Variants in ITGA1 observed in about 807,000 individuals in gnomAD.
The protein encoded by ITGA1 is integrin alpha-1.
ITGA1 carries 85 observed loss-of-function variants against 145.9 expected under a neutral mutation model. The ratio of observed to expected loss-of-function variants is 0.58; its 90% confidence interval spans 0.49 to 0.70. The LOEUF (loss-of-function observed/expected upper bound fraction) is 0.70, where lower values mean the gene tolerates loss of function less well. ITGA1 is among the 30% of genes least tolerant of loss of function. The probability of loss-of-function intolerance (pLI) is 0.00; values close to 1 mark genes in which losing one functional copy is unlikely to be tolerated. For synonymous variants in ITGA1, 520 were observed against 495.3 expected (o/e 1.05, Z -0.66); for missense variants, 1,351 against 1,418.7 (o/e 0.95, Z 0.77).
chr5:52,940,218 C>G (rs1317291944), intron 26 of ITGA1, among the ~76,000 whole-genome samples: 1 of 152,068 alleles, frequency 6.6e-6, no homozygotes, highest in East Asian at 1.9e-4. Context: ...GAGATAAATA[C>G]CTTTCCAGTA....
chr5:52,901,937 A>G (rs1750320892), intron 11 of ITGA1: 1 of 152,238 alleles, frequency 6.6e-6, no homozygotes, highest in Non-Finnish European at 1.5e-5. Context: ...AGTCTAATAC[A>G]TGTAAGATTT....
At chr5:52,801,139 G>T in intron 1 of ITGA1, 1 of 1,574,322 alleles carries the variant, frequency 6.4e-7, no homozygotes, top group South Asian at 1.2e-5. Flanking sequence ...ATCTTACCCA[G>T]GGATAATTAA....
intron 9 of ITGA1, among the ~76,000 whole-genome samples, chr5:52,896,776 T>C (rs1750233791): frequency 6.6e-6 from 1 of 152,166 alleles, no homozygotes; most frequent in Non-Finnish European, 1.5e-5. Flanking sequence ...GAATTATCTC[T>C]GCATTTCAGT....
chr5:52,893,304 C>T, intron 8 of ITGA1, among the ~76,000 whole-genome samples: 1 of 152,126 alleles, frequency 6.6e-6, no homozygotes, highest in East Asian at 1.9e-4. Flanking sequence ...CCTTTGCCAG[C>T]AGATAATGAC....
At chr5:52,823,548 T>C (rs1392695136) in intron 1 of ITGA1, among the ~76,000 whole-genome samples, 1 of 152,224 alleles carries the variant, frequency 6.6e-6, no homozygotes, top group Non-Finnish European at 1.5e-5. Context: ...TAAGTCCATC[T>C]TATTCTCTTG....
At position 52,788,336 on chromosome 5, in the gene ITGA1, G is replaced by C; in HGVS notation, c.-18G>C. ...CTGCGAACCAGCGCGGCCCCCTGGC[G>C]CTGAGGCTGCTCCGGCCATGGCCCC... is the stretch of plus-strand genomic sequence containing the variant. On this transcript the variant is annotated 5_prime_UTR_variant, in exon 1 of 29. Transcript: ENST00000282588. 2.0e-6 allele frequency: 3 copies of C among 1,497,376 alleles called. No homozygotes were observed. The highest frequency in any genetic ancestry group is 2.7e-6 in the Non-Finnish European group (3 of 1,129,048). The allele number at this position is 1,497,376 out of a possible 1,614,324, so 92.8% of individuals were successfully genotyped here. A position where few individuals can be genotyped will look rare whatever the true frequency, so the allele number is the denominator to read the frequency against.
chr5:52,826,909 A>C (rs1587398), intron 1 of ITGA1, among the ~76,000 whole-genome samples: 1 of 152,098 alleles, frequency 6.6e-6, no homozygotes, highest in Non-Finnish European at 1.5e-5. Flanking sequence ...ATGACTTCTG[A>C]TACAAGATTC....
chr5:52,822,157 G>A lies in ITGA1; in HGVS notation c.62-27208G>A, dbSNP rs758685815. Among the ~76,000 whole-genome samples the A allele has an allele frequency of 3.9e-5, 6 of 152,224 alleles. No homozygotes were observed. The South Asian group carries it at 6.2e-4, about 16-fold the overall frequency. ...CTAGAGTGCTTTAGAGTTTCCAAAT[G>A]GTGTTCATATGTGGAATTTTATGTC... On this transcript the variant is annotated intron_variant, in intron 1 of 28. Coordinates refer to ENST00000282588, the MANE Select transcript of ITGA1 (RefSeq NM_181501.2).
chr5:52,895,340 G>A (rs1200842232), intron 9 of ITGA1, among the ~76,000 whole-genome samples: 2 of 152,086 alleles, frequency 1.3e-5, no homozygotes, highest in South Asian at 2.1e-4. Flanking sequence ...TGTGCTCTGT[G>A]TACAAGTCAT....
intron 19 of ITGA1, among the ~76,000 whole-genome samples, chr5:52,925,974 T>C (rs1302854721): frequency 1.3e-5 from 2 of 152,176 alleles, no homozygotes; most frequent in African/African-American, 4.8e-5. Flanking sequence ...TTTATTACAT[T>C]GGCAATAAAA....
intron 24 of ITGA1, 141 bp from the exon 25 acceptor site, chr5:52,939,449 C>G: frequency 1.6e-6 from 1 of 622,506 alleles, no homozygotes; most frequent in Admixed American, 2.9e-5. Context: ...AACAACCTTT[C>G]CCATACAGCA....
intron 26 of ITGA1, among the ~76,000 whole-genome samples, chr5:52,940,533 C>T (rs974399214): frequency 1.3e-5 from 2 of 151,744 alleles, no homozygotes; most frequent in African/African-American, 4.8e-5. Context: ...CTCAGCCTCC[C>T]GAGTAGCTGG....
chr5:52,875,704 A>G (rs888355006), intron 6 of ITGA1, among the ~76,000 whole-genome samples: 1 of 152,150 alleles, frequency 6.6e-6, no homozygotes, highest in Non-Finnish European at 1.5e-5. Context: ...GAATGTCCAC[A>G]TTTAACCCGG....
chr5:52,847,736 G>A (rs992833744), intron 1 of ITGA1, among the ~76,000 whole-genome samples: 1 of 151,792 alleles, frequency 6.6e-6, no homozygotes, highest in African/African-American at 2.4e-5. Context: ...TATATTTTTA[G>A]TAGAGATGGG....
rs1388903248 is a variant in ITGA1 at position 52,893,665 on chromosome 5, T to G, written c.925-10T>G. The G allele has an allele frequency of 1.2e-6, 2 of 1,603,682 alleles. No homozygotes were observed. The highest frequency in any genetic ancestry group is 2.2e-5 in the South Asian group (2 of 89,202). On this transcript the variant is annotated splice_polypyrimidine_tract_variant and intron_variant, in intron 8 of 28. Transcript: ENST00000282588. ...TAAAATATATTCTTGCTGTTTCTGT[T>G]GTGTCTTAGATTCTTGGCAGCTATA... is the stretch of plus-strand genomic sequence containing the variant.
chr5:52,865,044 C>T lies in ITGA1; in HGVS notation c.458C>T (p.Pro153Leu), dbSNP rs765527400. 2.5e-6 allele frequency: 4 copies of T among 1,613,782 alleles called. No homozygotes were observed. The highest frequency in any genetic ancestry group is 3.4e-6 in the Non-Finnish European group (4 of 1,179,794). Residue 153 changes from proline to leucine, a missense_variant, in exon 5 of 29, where the codon CCC becomes CTC. By Grantham distance (98) the Pro-to-Leu change is moderately conservative. Transcript: ENST00000282588. ...YTTGICSDVSPTFQVVNSIAP... is the reference protein window; with the variant it reads ...YTTGICSDVSLTFQVVNSIAP... ...ACTGGAATCTGTTCTGACGTCAGCC[C>T]CACATTTCAAGTCGTGAATTCCATT...
At chr5:52,846,837 T>A (rs1035899233) in intron 1 of ITGA1, among the ~76,000 whole-genome samples, 13 of 152,046 alleles carry the variant, frequency 8.6e-5, no homozygotes, top group Middle Eastern at 3.2e-3. Flanking sequence ...CCAAATCTCA[T>A]CTCTTTCTCC....
At chr5:52,811,350 C>A (rs1748681187) in intron 1 of ITGA1, among the ~76,000 whole-genome samples, 1 of 152,218 alleles carries the variant, frequency 6.6e-6, no homozygotes, top group Admixed American at 6.5e-5. Flanking sequence ...ACTTCATAAT[C>A]TCTCTTGCAG....
intron 13 of ITGA1, among the ~76,000 whole-genome samples, chr5:52,909,416 G>A (rs1220348595): frequency 6.6e-6 from 1 of 152,046 alleles, no homozygotes; most frequent in African/African-American, 2.4e-5. Flanking sequence ...AGGGGGAGAA[G>A]TCATGAGTTT....
Sources: allele counts gnomAD v4.1 joint callset (sites outside exome capture counted in the v4.1 genomes callset), GRCh38; gene constraint gnomAD v4.1.1; transcripts MANE v1.5; gene names NCBI Gene and HGNC (gene_info 2026-07-23, HGNC 2026-07-21).